Variants in SYNPR observed in about 807,000 individuals in gnomAD.
The protein encoded by SYNPR is synaptoporin.
SYNPR carries 23 observed loss-of-function variants against 32.9 expected under a neutral mutation model. The ratio of observed to expected loss-of-function variants is 0.70; its 90% CI spans 0.50 to 0.99. The LOEUF (loss-of-function observed/expected upper bound fraction) is 0.99. Among genes scored for constraint, SYNPR ranks in the 50% least tolerant of loss-of-function variants. The probability of loss-of-function intolerance (pLI) is 0.00; values close to 1 mark genes in which losing one functional copy is unlikely to be tolerated. For missense variants in SYNPR, 318 were observed against 349.3 expected, an observed-to-expected ratio of 0.91 and a Z score of 0.71; for synonymous variants, 146 against 135.9, an observed-to-expected ratio of 1.07 and a Z score of -0.52.
chr3:63,376,909 C>T (rs1447032321), intron 2 of SYNPR, among the ~76,000 whole-genome samples: 5 of 151,986 alleles, frequency 3.3e-5, no homozygotes, highest in African/African-American at 1.2e-4. Flanking sequence ...CTATTGTATT[C>T]CTAGAGCATA....
intron 2 of SYNPR, among the ~76,000 whole-genome samples, chr3:63,355,781 C>G (rs536933330): frequency 6.6e-6 from 1 of 152,288 alleles, no homozygotes; most frequent in South Asian, 2.1e-4. Context: ...TCCCTCTCCC[C>G]TTTGCTCTCC....
At chr3:63,389,134 C>T (rs1050205632) in intron 2 of SYNPR, among the ~76,000 whole-genome samples, 10 of 152,096 alleles carry the variant, frequency 6.6e-5, no homozygotes, top group South Asian at 2.1e-4. Flanking sequence ...TGCTCTTGTG[C>T]GTAATGCATT....
At chr3:63,474,049 G>A (rs1243806813) in intron 2 of SYNPR, among the ~76,000 whole-genome samples, 1 of 152,152 alleles carries the variant, frequency 6.6e-6, no homozygotes, top group African/African-American at 2.4e-5. Flanking sequence ...AGTGGGCGGT[G>A]GGATGGGGAA....
At chr3:63,501,729 TA>T (rs1244213843) in intron 3 of SYNPR, among the ~76,000 whole-genome samples, 6 of 152,188 alleles carry the variant, frequency 3.9e-5, no homozygotes, top group Non-Finnish European at 7.3e-5. Context: ...GAAAATTCTG[TA>T]TCTAATCATA....
chr3:63,600,434 G>C (rs1700023858), intron 4 of SYNPR, among the ~76,000 whole-genome samples: 1 of 152,212 alleles, frequency 6.6e-6, no homozygotes, highest in African/African-American at 2.4e-5. Context: ...ATGTAGGGAA[G>C]TGGTGTCAGG....
At chr3:63,512,400 T>C (rs1186855604) in intron 3 of SYNPR, among the ~76,000 whole-genome samples, 1 of 152,108 alleles carries the variant, frequency 6.6e-6, no homozygotes, top group Non-Finnish European at 1.5e-5. Flanking sequence ...ATCCCTAAAA[T>C]CTATAAATAT....
chr3:63,365,340 A>G (rs2087717823), intron 2 of SYNPR, among the ~76,000 whole-genome samples: 1 of 152,026 alleles, frequency 6.6e-6, no homozygotes, highest in Non-Finnish European at 1.5e-5. Flanking sequence ...TTCCATAGGG[A>G]TTCTTCCTGA....
the SYNPR span, among the ~76,000 whole-genome samples, chr3:63,219,862 G>A: frequency 3.0e-4 from 46 of 152,264 alleles, no homozygotes; most frequent in African/African-American, 1.1e-3. Context: ...GAAGGATGTG[G>A]AAGGGGAGGC....
chr3:63,577,047 T>C (rs1174221096), intron 4 of SYNPR, among the ~76,000 whole-genome samples: 1 of 152,052 alleles, frequency 6.6e-6, no homozygotes, highest in Non-Finnish European at 1.5e-5. Context: ...AAAGATTCAT[T>C]AGTGACAGCT....
chr3:63,382,712 T>C (rs537708883), intron 2 of SYNPR, among the ~76,000 whole-genome samples: 2 of 152,268 alleles, frequency 1.3e-5, no homozygotes, highest in African/African-American at 4.8e-5. Flanking sequence ...TTCGGAGTCG[T>C]CTTATGTGTG....
At chr3:63,275,561 C>T (rs943018361), upstream of SYNPR, among the ~76,000 whole-genome samples, 1 of 152,226 alleles carries the variant, frequency 6.6e-6, no homozygotes, top group Admixed American at 6.5e-5. Context: ...TCAGTAATCA[C>T]ACTTCCTCTG....
rs558830050 is a variant in SYNPR, at chr3:63,383,160, T to C, written c.85-97672T>C. Reference sequence around the variant, plus strand: ...TCATTGCATAGTTTCCCATCAACTTTCTCTGATGGTTTTTGTATTCAGTTT... The same window carrying C: ...TCATTGCATAGTTTCCCATCAACTTCCTCTGATGGTTTTTGTATTCAGTTT... On this transcript the variant is annotated intron_variant, in intron 2 of 5. Transcript: ENST00000478300. Among the ~76,000 whole-genome samples the C allele has an allele frequency of 5.2e-4, 79 of 152,352 alleles. 1 individual carries two copies. Among genetic ancestry groups the C allele is most frequent in the African/African-American group, 1.9e-3 (77 of 41,584 alleles).
intron 1 of SYNPR, among the ~76,000 whole-genome samples, chr3:63,248,284 A>T (rs936788795): frequency 6.6e-6 from 1 of 152,176 alleles, no homozygotes; most frequent in African/African-American, 2.4e-5. Flanking sequence ...TTTATAAAAT[A>T]GGACTTGCAA....
At chr3:63,372,257 G>A (rs2087825374) in intron 2 of SYNPR, among the ~76,000 whole-genome samples, 1 of 152,072 alleles carries the variant, frequency 6.6e-6, no homozygotes, top group African/African-American at 2.4e-5. Context: ...CTCCCTGTGA[G>A]CCTTCCACCC....
intron 4 of SYNPR, among the ~76,000 whole-genome samples, chr3:63,558,478 G>A (rs1047626532): frequency 2.6e-5 from 4 of 151,950 alleles, no homozygotes; most frequent in African/African-American, 9.7e-5. Context: ...GACAACAGGT[G>A]CATGCCACCA....
At chr3:63,395,457 T>C (rs2088199033) in intron 2 of SYNPR, among the ~76,000 whole-genome samples, 1 of 152,216 alleles carries the variant, frequency 6.6e-6, no homozygotes, top group South Asian at 2.1e-4. Flanking sequence ...AATTGCTGTG[T>C]GCCAGGCACT....
chr3:63,283,052 G>C lies in SYNPR; in HGVS notation c.84+4310G>C, dbSNP rs560627610. 2.0e-5 allele frequency among the ~76,000 whole-genome samples: 3 copies of C among 152,254 alleles called. No individual in the cohort carries two copies. In the South Asian group the frequency reaches 6.2e-4, roughly 32 times the overall value. ...ATTTGAGATGCAGTAGGTAGAGAAC[G>C]GGAGAGGTTGATGGTAAACTGTGGT... On this transcript the variant is annotated intron_variant, in intron 2 of 5. Transcript: ENST00000478300.
At chr3:63,429,258 A>G (rs1699943629) in intron 2 of SYNPR, among the ~76,000 whole-genome samples, 1 of 152,226 alleles carries the variant, frequency 6.6e-6, no homozygotes, top group Non-Finnish European at 1.5e-5. Context: ...AATAATTTGC[A>G]TATCATAAAC....
the SYNPR span, among the ~76,000 whole-genome samples, chr3:63,204,187 TA>T: frequency 4.6e-5 from 7 of 152,094 alleles, no homozygotes; most frequent in African/African-American, 1.4e-4. Flanking sequence ...ACCAGGTGGA[TA>T]AAAAACAACA....
Sources: gnomAD v4.1 joint callset for allele counts (sites outside exome capture counted in the v4.1 genomes callset) on GRCh38, gnomAD v4.1.1 for gene constraint, MANE v1.5 for transcripts, NCBI Gene and HGNC (gene_info 2026-07-23, HGNC 2026-07-21) for gene names.